The following SLC43A2 variants were observed in gnomAD, a reference collection of about 807,000 sequenced individuals.
SLC43A2 encodes the protein large neutral amino acids transporter small subunit 4.
In SLC43A2, 38 loss-of-function variants were observed where a neutral mutation model predicts 63.2. That is an observed-to-expected ratio of 0.60 (90% CI 0.46 to 0.79). The LOEUF is 0.79. Ranked by LOEUF, SLC43A2 falls within the 30% of genes least tolerant of loss-of-function variation. SLC43A2 has a pLI of 0.00. For synonymous variants in SLC43A2, 322 were observed against 331.0 expected, an observed-to-expected ratio of 0.97 and a Z score of 0.30; for missense variants, 644 against 756.2, an observed-to-expected ratio of 0.85 and a Z score of 1.74.
rs1002322832 is a variant in SLC43A2, at chr17:1,574,817, G to C, written c.*787C>G. ...CCCGGCCTGGACCTCCACGTCTGCCGGCCACAGCCTTTCGTCCACCTCCAC... is the reference window on the plus strand; with the variant it reads ...CCCGGCCTGGACCTCCACGTCTGCCCGCCACAGCCTTTCGTCCACCTCCAC... On this transcript the variant is annotated 3_prime_UTR_variant, in exon 14 of 14. Transcript: ENST00000301335. 1 of 147,494 alleles carries C rather than the reference G, an allele frequency of 6.8e-6. No homozygotes were observed. The highest frequency in any genetic ancestry group is 2.5e-5 in the African/African-American group (1 of 40,444). 9.1% of individuals were successfully genotyped at this position (147,494 alleles called of 1,614,324 possible). A position where few individuals can be genotyped will look rare whatever the true frequency, so the allele number is the denominator to read the frequency against.
rs540230773 is a variant in SLC43A2 at position 1,583,787 on chromosome 17, T to C, written c.1218-451A>G. ...GGGACAGGAGAGGGTAAAGGGGAAA[T>C]GAGCAGGCAGCAGATGGAACTGGAG... On this transcript the variant is annotated intron_variant, in intron 10 of 13. Transcript: ENST00000301335. This position sits in a 1 kb window ranked among gnomAD's most constrained non-coding sequence, Gnocchi z 5.5. The C allele has an allele frequency of 3.6e-5, 6 of 168,532 alleles. No individual in the cohort carries two copies. Among genetic ancestry groups the C allele is most frequent in the African/African-American group, 1.2e-4 (5 of 42,202 alleles). 10.4% of individuals were successfully genotyped at this position (168,532 alleles called of 1,614,324 possible).
rs1414899945 is a variant in SLC43A2, at chr17:1,574,199, C to G, written c.*1405G>C. 2.0e-5 allele frequency: 3 copies of G among 152,430 alleles called. No individual in the cohort carries two copies. Among genetic ancestry groups the G allele is most frequent in the Non-Finnish European group, 4.4e-5 (3 of 68,156 alleles). 9.4% of individuals were successfully genotyped at this position (152,430 alleles called of 1,614,324 possible). ...GGCTCACACTTCTAAGATGTCTGCA[C>G]AAGCCCAGTTTGTTTGGGGGTTGGG... is the stretch of plus-strand genomic sequence containing the variant. On this transcript the variant is annotated 3_prime_UTR_variant, in exon 14 of 14. Transcript: ENST00000301335.
At position 1,605,288 on chromosome 17, in the gene SLC43A2, C is replaced by T. The variant is rs1176849800; in HGVS notation, c.501+7907G>A. 2.0e-6 allele frequency: 2 copies of T among 989,694 alleles called. No homozygotes were observed. The highest frequency in any genetic ancestry group is 3.5e-5 in the South Asian group (1 of 28,190). The allele number at this position is 989,694 out of a possible 1,614,324, so 61.3% of individuals were successfully genotyped here. A position where few individuals can be genotyped will look rare whatever the true frequency, so the allele number is the denominator to read the frequency against. On this transcript the variant is annotated intron_variant, in intron 5 of 13. Transcript: ENST00000301335. This position sits in a 1 kb window ranked among gnomAD's most constrained non-coding sequence, Gnocchi z 4.9. ...TAAACAGGCCGGACTGTGTGACCTT[C>T]CCAGAGGGGAAAACAGCAGCTGCAG...
At chr17:1,586,927 A>AGGCCCCCCCCC (rs2151038850) in intron 9 of SLC43A2, 2 of 1,355,926 alleles carry the variant, frequency 1.5e-6, no homozygotes, top group Non-Finnish European at 2.0e-6. Context: ...TTCCCTGACA[A>AGGCCCCCCCCC]TCCCCCCCAC....
intron 5 of SLC43A2, among the ~76,000 whole-genome samples, chr17:1,601,569 T>C (rs147398595): frequency 9.1e-4 from 136 of 149,018 alleles, no homozygotes; most frequent in African/African-American, 3.3e-3. Flanking sequence ...TGCACCGCCC[T>C]CCCAAAGGTC....
At chr17:1,629,450 G>C (rs1598507283), upstream of SLC43A2, among the ~76,000 whole-genome samples, 4 of 152,150 alleles carry the variant, frequency 2.6e-5, no homozygotes, top group Admixed American at 2.6e-4. Context: ...CGGTCCAGCC[G>C]TGGCGCCCCC....
chr17:1,605,150 C>G lies in SLC43A2; in HGVS notation c.501+8045G>C, dbSNP rs962915318. On this transcript the variant is annotated intron_variant, in intron 5 of 13. Coordinates refer to ENST00000301335, the MANE Select transcript of SLC43A2 (RefSeq NM_152346.3). This position sits in a 1 kb window ranked among gnomAD's most constrained non-coding sequence, Gnocchi z 4.9. ...ACAGCCCCCTCGCCGCCTCTGCCTC[C>G]GTGCGGGTCAACCTGTCCTGCCAGC... 7.9e-6 allele frequency: 10 copies of G among 1,258,520 alleles called. No homozygotes were observed. Among genetic ancestry groups the G allele is most frequent in the Non-Finnish European group, 1.0e-5 (10 of 991,286 alleles). 78.0% of individuals were successfully genotyped at this position (1,258,520 alleles called of 1,614,324 possible).
At chr17:1,584,979 C>T (rs1463702819) in intron 10 of SLC43A2, among the ~76,000 whole-genome samples, 1 of 152,134 alleles carries the variant, frequency 6.6e-6, no homozygotes, top group Non-Finnish European at 1.5e-5. Flanking sequence ...ACTCACTACT[C>T]AAACTGACCG....
rs747263802 is a variant in SLC43A2 at position 1,585,947 on chromosome 17, C to A, written c.1183G>T (p.Ala395Ser). Reference protein sequence around the residue: ...MDWRLKECEDASEEPEEKDAN... With the variant: ...MDWRLKECEDSSEEPEEKDAN... ...TCTTTCTCCTCGGGCTCCTCGGAGG[C>A]GTCTTCACACTCCTTCAGCCTCCAG... Residue 395 changes from alanine to serine, a missense_variant, in exon 10 of 14, where the codon GCC becomes TCC. Physicochemically the swap from Ala to Ser is moderately conservative, Grantham distance 99 (BLOSUM62 1). Around this residue, in one of 3 missense-constraint regions of SLC43A2, gnomAD observed 528 missense variants for 623.6 expected, o/e 0.85. Transcript: ENST00000301335. 3 of 1,613,654 alleles carry A rather than the reference C, an allele frequency of 1.9e-6. No homozygotes were observed. Among genetic ancestry groups the A allele is most frequent in the East Asian group, 2.2e-5 (1 of 44,890 alleles).
At chr17:1,581,783 C>G (rs1310220529) in intron 11 of SLC43A2, among the ~76,000 whole-genome samples, 1 of 151,490 alleles carries the variant, frequency 6.6e-6, no homozygotes, top group Non-Finnish European at 1.5e-5. Flanking sequence ...CCAGAAGCCT[C>G]AAAAGTTTGG....
rs924285998 is a variant in SLC43A2 at position 1,605,980 on chromosome 17, G to A, written c.501+7215C>T. Among the ~76,000 whole-genome samples the A allele has an allele frequency of 2.0e-5, 3 of 152,176 alleles. No homozygotes were observed. The highest frequency in any genetic ancestry group is 2.0e-4 in the Admixed American group (3 of 15,272). ...TGGTCACATACTGCAGCAAATTCAT[G>A]AGGCAGAACCCTCAGATGGCAAATT... On this transcript the variant is annotated intron_variant, in intron 5 of 13. Transcript: ENST00000301335. This position sits in a 1 kb window ranked among gnomAD's most constrained non-coding sequence, Gnocchi z 4.9.
At position 1,585,897 on chromosome 17, in the gene SLC43A2, G is replaced by C. The variant is rs760427937; in HGVS notation, c.1217+16C>G. 2.5e-6 allele frequency: 4 copies of C among 1,613,376 alleles called. No individual in the cohort carries two copies. Among genetic ancestry groups the C allele is most frequent in the Middle Eastern group, 1.6e-4 (1 of 6,070 alleles). On this transcript the variant is annotated intron_variant, in intron 10 of 13. Transcript: ENST00000301335. ...GCTGCGGGCTGGGAGCCGGGGCACCGGCCCTGCCTACGCACTGGTTGGCGT... is the reference window on the plus strand; with the variant it reads ...GCTGCGGGCTGGGAGCCGGGGCACCCGCCCTGCCTACGCACTGGTTGGCGT...
At position 1,628,775 on chromosome 17, in the gene SLC43A2, C is replaced by T. The variant is rs906971596; in HGVS notation, c.-47+19G>A. On this transcript the variant is annotated intron_variant, in intron 1 of 13. Transcript: ENST00000301335. ...CGCGCCCTCGCCCCGGCCGCGATCC[C>T]CTCCCTGCTGCAGCTCACCCGGCTC... 2.0e-5 allele frequency: 3 copies of T among 152,532 alleles called. No individual in the cohort carries two copies. Among genetic ancestry groups the T allele is most frequent in the African/African-American group, 7.3e-5 (3 of 41,224 alleles). 9.4% of individuals were successfully genotyped at this position (152,532 alleles called of 1,614,324 possible).
rs1295586947 is a variant in SLC43A2, at chr17:1,571,429, C to G, written c.*4175G>C. On this transcript the variant is annotated 3_prime_UTR_variant, in exon 14 of 14. Coordinates refer to ENST00000301335, the MANE Select transcript of SLC43A2 (RefSeq NM_152346.3). The surrounding 1 kb of genome is among the most constrained non-coding windows in gnomAD (Gnocchi z 5.2). ...GGCTTCTCAGAGCTCCTGGCAGGAGCCCCTCACCGCAGGAGGCCCACAACC... is the reference window on the plus strand; with the variant it reads ...GGCTTCTCAGAGCTCCTGGCAGGAGGCCCTCACCGCAGGAGGCCCACAACC... 6.6e-6 allele frequency: 1 copy of G among 152,254 alleles called. No individual in the cohort carries two copies. The highest frequency in any genetic ancestry group is 1.5e-5 in the Non-Finnish European group (1 of 68,070). 9.4% of individuals were successfully genotyped at this position (152,254 alleles called of 1,614,324 possible). A position where few individuals can be genotyped will look rare whatever the true frequency, so the allele number is the denominator to read the frequency against.
chr17:1,574,954 G>A lies in SLC43A2; in HGVS notation c.*650C>T, dbSNP rs535770454. 143 of 153,670 alleles carry A rather than the reference G, an allele frequency of 9.3e-4. No individual in the cohort carries two copies. Among genetic ancestry groups the A allele is most frequent in the Non-Finnish European group, 1.1e-3 (78 of 68,704 alleles). The allele number at this position is 153,670 out of a possible 1,614,324, so 9.5% of individuals were successfully genotyped here. A position where few individuals can be genotyped will look rare whatever the true frequency, so the allele number is the denominator to read the frequency against. On this transcript the variant is annotated 3_prime_UTR_variant, in exon 14 of 14. Transcript: ENST00000301335. ...AAACGTGTCCGCGGCATTGGCCCTC[G>A]GGGAGGAGGCGAGGGGTCCACCCAG...
At chr17:1,596,280 C>T (rs755013167) in intron 5 of SLC43A2, among the ~76,000 whole-genome samples, 2 of 151,848 alleles carry the variant, frequency 1.3e-5, no homozygotes, top group African/African-American at 2.4e-5. Context: ...CATTGATCCA[C>T]TGCACTCTAG....
Position 1,569,472 on chromosome 17 carries a change from A to G in SLC43A2, c.*6132T>C, listed in dbSNP as rs2151019218. On this transcript the variant is annotated 3_prime_UTR_variant, in exon 14 of 14. Coordinates refer to ENST00000301335, the MANE Select transcript of SLC43A2 (RefSeq NM_152346.3). ...TCCTGCCCAGGTGTTCTTTCCAGCAATGGAAAGGGATTCAGCGAGGTAAGA... is the reference window on the plus strand; with the variant it reads ...TCCTGCCCAGGTGTTCTTTCCAGCAGTGGAAAGGGATTCAGCGAGGTAAGA... 6.6e-6 allele frequency: 1 copy of G among 152,382 alleles called. No homozygotes were observed. Among genetic ancestry groups the G allele is most frequent in the Middle Eastern group, 3.4e-3 (1 of 294 alleles). The allele number at this position is 152,382 out of a possible 1,614,324, so 9.4% of individuals were successfully genotyped here.
rs201960057 is a variant in SLC43A2 at position 1,591,318 on chromosome 17, C to G, written c.882G>C (p.Leu294=). Residue 294 remains leucine (L), a synonymous_variant, in exon 8 of 14, where the codon CTG becomes CTC. Transcript: ENST00000301335. ...EQVALQEGHK[L]CLSTVDLEVK... is the part of the protein sequence containing the mutation. The stretch of plus-strand genomic sequence containing the variant: ...CCTCCAGGTCGACGGTGGACAGGCA[C>G]AGCTTGTGGCCCTCCTGCAGCGCCA... 1 of 1,608,416 alleles carries G rather than the reference C, an allele frequency of 6.2e-7. No homozygotes were observed. The highest frequency in any genetic ancestry group is 1.3e-5 in the African/African-American group (1 of 74,932).
At chr17:1,582,247 CTT>C (rs1177989090) in intron 11 of SLC43A2, among the ~76,000 whole-genome samples, 2 of 151,904 alleles carry the variant, frequency 1.3e-5, no homozygotes, top group East Asian at 3.9e-4. Flanking sequence ...GCCCAGCTAA[CTT>C]TTATATTTTC....
Sources: allele counts gnomAD v4.1 joint callset (sites outside exome capture counted in the v4.1 genomes callset), GRCh38; gene constraint gnomAD v4.1.1; regional missense constraint gnomAD v4.1.1; non-coding constraint Gnocchi (gnomAD v3.1); transcripts MANE v1.5; gene names NCBI Gene and HGNC (gene_info 2026-07-23, HGNC 2026-07-21).